Variants in GPHN observed in about 807,000 individuals in gnomAD.
GPHN encodes gephyrin.
GPHN carries 17 observed loss-of-function variants against 95.5 expected under a neutral mutation model. The observed-to-expected ratio is 0.18, with a 90% CI of 0.12 to 0.27. The LOEUF (loss-of-function observed/expected upper bound fraction) is 0.27. Among genes scored for constraint, GPHN ranks in the 10% least tolerant of loss-of-function variants. The pLI is 1.00. For synonymous variants in GPHN, 320 were observed against 322.5 expected (o/e 0.99, Z 0.08); for missense variants, 660 against 978.1 (o/e 0.67, Z 4.34).
chr14:67,110,477 T>C (rs1256902465), intron 14 of GPHN, among the ~76,000 whole-genome samples: 1 of 152,222 alleles, frequency 6.6e-6, no homozygotes, highest in Non-Finnish European at 1.5e-5. Flanking sequence ...GGGGTTTCTA[T>C]GATCATTGCT....
chr14:66,835,938 A>G (rs1217909493), intron 4 of GPHN, among the ~76,000 whole-genome samples: 3 of 145,112 alleles, frequency 2.1e-5, no homozygotes, highest in African/African-American at 5.3e-5. Context: ...CAAGGAAATA[A>G]AAGAGGATAC....
At chr14:66,718,173 C>T (rs1719167849) in intron 2 of GPHN, among the ~76,000 whole-genome samples, 1 of 152,148 alleles carries the variant, frequency 6.6e-6, no homozygotes, top group African/African-American at 2.4e-5. Flanking sequence ...AAGAATGAAG[C>T]TGTGGACCCT....
chr14:67,248,412 A>C, the GPHN span, among the ~76,000 whole-genome samples: 1 of 152,202 alleles, frequency 6.6e-6, no homozygotes, highest in Non-Finnish European at 1.5e-5. Flanking sequence ...TAATGAAGTC[A>C]GTAGAGTCAA....
At chr14:67,177,706 G>A (rs1410860901) in intron 21 of GPHN, among the ~76,000 whole-genome samples, 1 of 152,024 alleles carries the variant, frequency 6.6e-6, no homozygotes, top group East Asian at 1.9e-4. Flanking sequence ...TTATTGTGTG[G>A]GAGTCTAAGT....
At chr14:67,095,686 A>T (rs970350799) in intron 12 of GPHN, among the ~76,000 whole-genome samples, 2 of 152,068 alleles carry the variant, frequency 1.3e-5, no homozygotes, top group African/African-American at 4.8e-5. Flanking sequence ...AGGACAAAAA[A>T]CCAAACACCG....
chr14:67,162,672 A>G (rs1420053966), intron 19 of GPHN, among the ~76,000 whole-genome samples: 2 of 152,244 alleles, frequency 1.3e-5, no homozygotes, highest in East Asian at 3.8e-4. Flanking sequence ...TAACCTATCC[A>G]TAAATCAGTA....
intron 12 of GPHN, among the ~76,000 whole-genome samples, chr14:67,094,063 T>C (rs72715361): frequency 0.024 from 3,683 of 152,228 alleles, 68 homozygotes; most frequent in Non-Finnish European, 0.036. Context: ...AAAGTGGAAA[T>C]GATGAGACTC....
At chr14:67,404,318 A>C in the GPHN span, among the ~76,000 whole-genome samples, 8 of 152,090 alleles carry the variant, frequency 5.3e-5, no homozygotes, top group Non-Finnish European at 1.2e-4. Context: ...TTTTACTCAT[A>C]TTACTTCATA....
intron 2 of GPHN, among the ~76,000 whole-genome samples, chr14:66,734,038 C>T (rs1301704897): frequency 6.6e-6 from 1 of 152,188 alleles, no homozygotes. Flanking sequence ...TCTACCATCA[C>T]CCTGGTTTAA....
chr14:67,008,197 G>A (rs2072734321), intron 9 of GPHN, among the ~76,000 whole-genome samples: 1 of 152,098 alleles, frequency 6.6e-6, no homozygotes, highest in African/African-American at 2.4e-5. Flanking sequence ...GCTCATGCCT[G>A]TAATCCCAGC....
At chr14:67,495,230 C>G in the GPHN span, among the ~76,000 whole-genome samples, 7 of 152,128 alleles carry the variant, frequency 4.6e-5, no homozygotes, top group African/African-American at 1.7e-4. Flanking sequence ...TTCCGCCTGC[C>G]AAATCCCTCC....
At chr14:67,443,890 C>T in the GPHN span, among the ~76,000 whole-genome samples, 2 of 152,154 alleles carry the variant, frequency 1.3e-5, no homozygotes, top group Admixed American at 6.5e-5. Context: ...CTTGGGGCCC[C>T]TAAATCACTA....
the GPHN span, among the ~76,000 whole-genome samples, chr14:67,722,104 C>A: frequency 1.3e-5 from 2 of 152,148 alleles, no homozygotes; most frequent in South Asian, 4.1e-4. Context: ...CCAGTCATCT[C>A]CCTCCCCAGT....
chr14:67,101,863 T>TATTC (rs1030823731), intron 13 of GPHN, among the ~76,000 whole-genome samples: 2 of 150,624 alleles, frequency 1.3e-5, no homozygotes, highest in African/African-American at 4.9e-5. Context: ...TTTATTTATT[T>TATTC]ATTTATTTAT....
chr14:67,040,763 C>CATTT (rs2074659735), intron 10 of GPHN, among the ~76,000 whole-genome samples: 1 of 152,092 alleles, frequency 6.6e-6, no homozygotes, highest in African/African-American at 2.4e-5. Context: ...TCTTGTTATA[C>CATTT]ATTTGGTCAG....
intron 4 of GPHN, among the ~76,000 whole-genome samples, chr14:66,844,662 T>C (rs1377101364): frequency 6.6e-6 from 1 of 152,118 alleles, no homozygotes. Context: ...AATTTGTCAG[T>C]GTGAAGAAAA....
At chr14:67,276,291 A>G in the GPHN span, among the ~76,000 whole-genome samples, 1 of 152,014 alleles carries the variant, frequency 6.6e-6, no homozygotes, top group Non-Finnish European at 1.5e-5. Flanking sequence ...TGTCCCATCC[A>G]GCTTTATTGT....
At chr14:66,690,840 A>C (rs2067721070) in intron 2 of GPHN, among the ~76,000 whole-genome samples, 1 of 152,106 alleles carries the variant, frequency 6.6e-6, no homozygotes, top group South Asian at 2.1e-4. Flanking sequence ...GTGTAAGTAC[A>C]CTCTATGAAG....
At chr14:67,058,056 C>T (rs1212699744) in intron 10 of GPHN, among the ~76,000 whole-genome samples, 1 of 152,096 alleles carries the variant, frequency 6.6e-6, no homozygotes, top group Non-Finnish European at 1.5e-5. Context: ...TGATCTGAGA[C>T]CTATAAAGCT....
Sources: allele counts gnomAD v4.1 joint callset (sites outside exome capture counted in the v4.1 genomes callset), GRCh38; gene constraint gnomAD v4.1.1; transcripts MANE v1.5; gene names NCBI Gene and HGNC (gene_info 2026-07-23, HGNC 2026-07-21).